UACA: variants seen among roughly 807,000 people sequenced by gnomAD.
The protein encoded by UACA is uveal autoantigen with coiled-coil domains and ankyrin repeats.
In UACA, 112 loss-of-function variants were observed where a neutral mutation model predicts 160.5. The observed-to-expected ratio is 0.70, with a 90% CI of 0.60 to 0.82. The LOEUF (loss-of-function observed/expected upper bound fraction) is 0.82. Ranked by LOEUF, UACA falls within the 40% of genes least tolerant of loss-of-function variation. UACA has a pLI of 0.00. For synonymous variants in UACA, 557 were observed against 568.4 expected (o/e 0.98, Z 0.29); for missense variants, 1,574 against 1,614.6 (o/e 0.97, Z 0.43).
In UACA at chr15:70,763,425, C is replaced by T; in HGVS notation, c.-18G>A. On this transcript the variant is annotated 5_prime_UTR_variant, in exon 1 of 19. Transcript: ENST00000322954. ...CTCTTCATGGCTAACTCTTGCCTGG[C>T]CCCCGCGCGAACCTTAAAGGCTGCG... The T allele has an allele frequency of 7.7e-7, 1 of 1,296,378 alleles. No individual in the cohort carries two copies. 80.3% of individuals were successfully genotyped at this position (1,296,378 alleles called of 1,614,324 possible).
At chr15:70,719,271 G>T (rs1208180506) in intron 1 of UACA, among the ~76,000 whole-genome samples, 3 of 152,214 alleles carry the variant, frequency 2.0e-5, no homozygotes, top group Middle Eastern at 6.8e-3. Flanking sequence ...AAGTAAAAAG[G>T]GTTTACAAAG....
chr15:70,763,553 G>A lies in UACA; in HGVS notation c.-146C>T, dbSNP rs1160737816. The A allele has an allele frequency of 2.4e-6, 3 of 1,242,498 alleles. No homozygotes were observed. The highest frequency in any genetic ancestry group is 3.7e-5 in the South Asian group (1 of 27,218). The allele number at this position is 1,242,498 out of a possible 1,614,324, so 77.0% of individuals were successfully genotyped here. ...CACCTGCGGGCCCCGGGCAGCAGAC[G>A]TCGACAGGCCTGAGGCGGGGCTCCC... On this transcript the variant is annotated 5_prime_UTR_variant, in exon 1 of 19. It adds an upstream start codon to the 5' untranslated region. Coordinates refer to ENST00000322954, the MANE Select transcript of UACA (RefSeq NM_018003.4).
At chr15:70,756,891 A>C (rs1362472640) in intron 1 of UACA, among the ~76,000 whole-genome samples, 1 of 152,216 alleles carries the variant, frequency 6.6e-6, no homozygotes, top group South Asian at 2.1e-4. Context: ...AAAATGAAGG[A>C]TAAAGACTCT....
chr15:70,677,726 T>C (rs1043399794), intron 11 of UACA, among the ~76,000 whole-genome samples: 1 of 152,188 alleles, frequency 6.6e-6, no homozygotes, highest in Non-Finnish European at 1.5e-5. Context: ...AATTTTTTTA[T>C]ACAACAAGGA....
Position 70,656,915 on chromosome 15 carries a change from T to TAA in UACA, c.*139_*140dup. 1 of 522,816 alleles carries TAA rather than the reference T, an allele frequency of 1.9e-6. No homozygotes were observed. Among genetic ancestry groups the TAA allele is most frequent in the Non-Finnish European group, 3.3e-6 (1 of 303,330 alleles). The allele number at this position is 522,816 out of a possible 1,614,324, so 32.4% of individuals were successfully genotyped here. On this transcript the variant is annotated 3_prime_UTR_variant, in exon 19 of 19. Coordinates refer to ENST00000322954, the MANE Select transcript of UACA (RefSeq NM_018003.4). The stretch of plus-strand genomic sequence containing the variant: ...AAAGACTAACATATTCATCTAATTT[T>TAA]AAAAAAAAACCTACCAATAGAACAA...
chr15:70,719,195 AAAAG>A (rs1898918768), intron 1 of UACA, among the ~76,000 whole-genome samples: 1 of 152,178 alleles, frequency 6.6e-6, no homozygotes, highest in African/African-American at 2.4e-5. Context: ...TAAGGATAAA[AAAAG>A]AGAGAACCTG....
Position 70,667,751 on chromosome 15 carries a change from T to G in UACA, c.2933A>C (p.Gln978Pro), listed in dbSNP as rs1896978147. Residue 978 changes from glutamine (Q) to proline (P), a missense_variant, in exon 16 of 19, where the codon CAA becomes CCA. Transcript: ENST00000322954. ...GGCGTATTTTACCTTAATGCATTCT[T>G]GTATTGTGTCGAGCTCCTTCTTCTG... is the stretch of plus-strand genomic sequence containing the variant. ...KAQKKELDTI[Q>P]ECIKVKYAPI... 7 of 1,613,962 alleles carry G rather than the reference T, an allele frequency of 4.3e-6. No individual in the cohort carries two copies. The highest frequency in any genetic ancestry group is 5.9e-6 in the Non-Finnish European group (7 of 1,179,996).
At chr15:70,679,393 AC>A (rs1459346798) in intron 10 of UACA, among the ~76,000 whole-genome samples, 2 of 132,084 alleles carry the variant, frequency 1.5e-5, no homozygotes, top group Non-Finnish European at 3.3e-5. Context: ...ACAGAGCCAG[AC>A]CCCATCTCTA....
chr15:70,655,038 A>G lies in UACA; in HGVS notation c.*2018T>C, dbSNP rs1367016007. ...TGGAGTCCATCGTTTCCTACTCCCA[A>G]TGCTCTCACAGACAGTAAATAAAAT... On this transcript the variant is annotated 3_prime_UTR_variant, in exon 19 of 19. Transcript: ENST00000322954. 6.6e-6 allele frequency: 1 copy of G among 152,210 alleles called. No homozygotes were observed. Among genetic ancestry groups the G allele is most frequent in the East Asian group, 1.9e-4 (1 of 5,200 alleles). The allele number at this position is 152,210 out of a possible 1,614,324, so 9.4% of individuals were successfully genotyped here. A position where few individuals can be genotyped will look rare whatever the true frequency, so the allele number is the denominator to read the frequency against.
chr15:70,740,913 C>T (rs1376741811), intron 1 of UACA, among the ~76,000 whole-genome samples: 1 of 151,872 alleles, frequency 6.6e-6, no homozygotes, highest in African/African-American at 2.4e-5. Context: ...GTGGTGGGCG[C>T]CTGTAGCCCC....
At chr15:70,742,757 G>C (rs1899577854) in intron 1 of UACA, among the ~76,000 whole-genome samples, 1 of 151,586 alleles carries the variant, frequency 6.6e-6, no homozygotes, top group African/African-American at 2.4e-5. Flanking sequence ...TTTTTATTTT[G>C]TTTTTTTCAC....
At chr15:70,738,185 A>G (rs1899426093) in intron 1 of UACA, among the ~76,000 whole-genome samples, 1 of 152,092 alleles carries the variant, frequency 6.6e-6, no homozygotes, top group Non-Finnish European at 1.5e-5. Flanking sequence ...ATTCATCAGT[A>G]AAAATCAGAA....
intron 1 of UACA, among the ~76,000 whole-genome samples, chr15:70,754,892 A>T: frequency 6.6e-6 from 1 of 152,232 alleles, no homozygotes; most frequent in East Asian, 1.9e-4. Context: ...AAAATAAGGC[A>T]ATGAGTATTA....
rs1171747862 is a variant in UACA, at chr15:70,687,747, T to A, written c.495+3A>T. 6.2e-7 allele frequency: 1 copy of A among 1,613,554 alleles called. No individual in the cohort carries two copies. The highest frequency in any genetic ancestry group is 8.5e-7 in the Non-Finnish European group (1 of 1,179,718). On this transcript the variant is annotated splice_donor_region_variant and intron_variant, in intron 6 of 18. Coordinates refer to ENST00000322954, the MANE Select transcript of UACA (RefSeq NM_018003.4). ...AAATGAGAATAAACATAAACTAACT[T>A]ACTACATCTTTGGCATTCACAGAGG...
rs574608746 is a variant in UACA at position 70,685,938 on chromosome 15, C to G, written c.603-1492G>C. On this transcript the variant is annotated intron_variant, in intron 7 of 18. Coordinates refer to ENST00000322954, the MANE Select transcript of UACA (RefSeq NM_018003.4). Reference sequence around the variant, plus strand: ...TACAGGCACGCACCACCACACCTAGCTAATTTTTGTATTTTTGGTAGAGAT... The same window carrying G: ...TACAGGCACGCACCACCACACCTAGGTAATTTTTGTATTTTTGGTAGAGAT... Among the ~76,000 whole-genome samples, 14 of 152,160 alleles carry G rather than the reference C, an allele frequency of 9.2e-5. No homozygotes were observed. In the East Asian group the frequency reaches 2.7e-3, roughly 29 times the overall value.
chr15:70,761,040 C>T (rs1188643325), intron 1 of UACA, among the ~76,000 whole-genome samples: 1 of 152,188 alleles, frequency 6.6e-6, no homozygotes, highest in East Asian at 1.9e-4. Context: ...CAGGTACAGA[C>T]ACACACTTGA....
chr15:70,729,714 G>A (rs1015965373), intron 1 of UACA, among the ~76,000 whole-genome samples: 4 of 142,886 alleles, frequency 2.8e-5, no homozygotes, highest in Non-Finnish European at 6.0e-5. Flanking sequence ...CAGCGTGAGC[G>A]ACGCAGAAGA....
At chr15:70,697,120 T>C (rs1204130626) in intron 2 of UACA, among the ~76,000 whole-genome samples, 1 of 152,208 alleles carries the variant, frequency 6.6e-6, no homozygotes, top group Non-Finnish European at 1.5e-5. Flanking sequence ...ACAGGAGATA[T>C]ATGTAACCTG....
At chr15:70,770,162 A>G in the UACA span, among the ~76,000 whole-genome samples, 215 of 152,278 alleles carry the variant, frequency 1.4e-3, no homozygotes, top group African/African-American at 5.0e-3. Context: ...CATGAAAATT[A>G]TTTTCTGCAT....
Sources: allele counts gnomAD v4.1 joint callset (sites outside exome capture counted in the v4.1 genomes callset), GRCh38; gene constraint gnomAD v4.1.1; transcripts MANE v1.5; gene names NCBI Gene and HGNC (gene_info 2026-07-23, HGNC 2026-07-21).